LINGO1: variants seen among roughly 807,000 people sequenced by gnomAD.
LINGO1 encodes the protein leucine-rich repeat and immunoglobulin-like domain-containing nogo receptor-interacting protein 1.
A neutral mutation model predicts 37.3 loss-of-function variants in LINGO1; 11 were observed. The ratio of observed to expected loss-of-function variants is 0.29; its 90% confidence interval spans 0.19 to 0.49. LINGO1 has a LOEUF of 0.49. Among genes scored for constraint, LINGO1 ranks in the 20% least tolerant of loss-of-function variants. The probability of loss-of-function intolerance (pLI) is 0.99; values close to 1 mark genes in which losing one functional copy is unlikely to be tolerated. For missense variants in LINGO1, 585 were observed against 878.2 expected (o/e 0.67, Z 4.22); for synonymous variants, 387 against 403.0 (o/e 0.96, Z 0.48).
upstream of LINGO1, among the ~76,000 whole-genome samples, chr15:77,634,686 C>A (rs929328325): frequency 6.6e-6 from 1 of 152,128 alleles, no homozygotes; most frequent in Non-Finnish European, 1.5e-5. Context: ...GTCCCCCTCC[C>A]TGCCAGAGCC....
chr15:77,684,027 C>T (rs2075461639), intron 2 of LINGO1, among the ~76,000 whole-genome samples: 1 of 152,176 alleles, frequency 6.6e-6, no homozygotes, highest in Admixed American at 6.5e-5. Flanking sequence ...CAAGCTGCCT[C>T]TAGGCCTTTG....
At chr15:77,685,216 G>A (rs915294529) in intron 2 of LINGO1, among the ~76,000 whole-genome samples, 5 of 152,126 alleles carry the variant, frequency 3.3e-5, no homozygotes, top group Admixed American at 3.3e-4. Flanking sequence ...TGTGCCTCCA[G>A]CCCAGCAGGG....
At chr15:77,676,283 G>A (rs2075326264) in intron 3 of LINGO1, among the ~76,000 whole-genome samples, 2 of 152,264 alleles carry the variant, frequency 1.3e-5, no homozygotes, top group South Asian at 2.1e-4. Context: ...TCTGGCCAGA[G>A]GAGAAGGGAG....
At chr15:77,692,023 G>A (rs181526607) in intron 1 of LINGO1, among the ~76,000 whole-genome samples, 1 of 152,298 alleles carries the variant, frequency 6.6e-6, no homozygotes, top group Admixed American at 6.5e-5. Context: ...GAGAGTGTGG[G>A]CAGAGTGGGG....
At chr15:77,750,537 C>T (rs74676874) in intron 1 of LINGO1, among the ~76,000 whole-genome samples, 2,624 of 152,236 alleles carry the variant, frequency 0.017, 87 homozygotes, top group African/African-American at 0.06. Flanking sequence ...AGTTCCGGTG[C>T]GTGCCTGCTT....
chr15:77,650,826 A>G (rs542267697), intron 3 of LINGO1, among the ~76,000 whole-genome samples: 25 of 152,182 alleles, frequency 1.6e-4, no homozygotes, highest in African/African-American at 5.8e-4. Context: ...TGATGGGATA[A>G]GGACTGAGAG....
chr15:77,812,177 A>G (rs1474089265), intron 1 of LINGO1, among the ~76,000 whole-genome samples: 1 of 152,216 alleles, frequency 6.6e-6, no homozygotes, highest in Admixed American at 6.5e-5. Flanking sequence ...CCCTTTATTG[A>G]GGTGACTGCT....
At chr15:77,753,967 G>C (rs1354051710) in intron 1 of LINGO1, among the ~76,000 whole-genome samples, 1 of 152,206 alleles carries the variant, frequency 6.6e-6, no homozygotes, top group Non-Finnish European at 1.5e-5. Flanking sequence ...CTACTGCCCA[G>C]TCTCTTCCTT....
chr15:77,805,019 G>A (rs4426322), intron 1 of LINGO1, among the ~76,000 whole-genome samples: 126,269 of 152,192 alleles, frequency 0.83, 52,558 homozygotes, highest in Non-Finnish European at 0.86. Flanking sequence ...GGCCTCCCTC[G>A]GCCTGGCCTG....
At chr15:77,768,892 G>T (rs899428062) in intron 1 of LINGO1, among the ~76,000 whole-genome samples, 10 of 152,194 alleles carry the variant, frequency 6.6e-5, no homozygotes, top group African/African-American at 2.2e-4. Context: ...GGCAGCAGGG[G>T]TGTGGCCACA....
intron 2 of LINGO1, among the ~76,000 whole-genome samples, chr15:77,688,370 A>C (rs922482434): frequency 2.6e-5 from 4 of 152,170 alleles, no homozygotes; most frequent in Non-Finnish European, 5.9e-5. Context: ...TCATTACTCC[A>C]CTTGAATACC....
At chr15:77,662,407 C>A (rs2075014180) in intron 3 of LINGO1, among the ~76,000 whole-genome samples, 1 of 152,136 alleles carries the variant, frequency 6.6e-6, no homozygotes, top group Non-Finnish European at 1.5e-5. Flanking sequence ...GGCAGGAAAC[C>A]CTTTTCTATG....
chr15:77,617,008 C>T (rs961456273), intron 1 of LINGO1, among the ~76,000 whole-genome samples: 2 of 152,160 alleles, frequency 1.3e-5, no homozygotes, highest in Non-Finnish European at 1.5e-5. Flanking sequence ...CATCAGATTC[C>T]CACAGGCCAG....
intron 1 of LINGO1, among the ~76,000 whole-genome samples, chr15:77,780,997 G>A (rs2076711595): frequency 6.6e-6 from 1 of 152,250 alleles, no homozygotes; most frequent in South Asian, 2.1e-4. Context: ...TGAAGGAGAT[G>A]AGGTTTTGGG....
intron 3 of LINGO1, chr15:77,660,076 G>A (rs1000817468): frequency 1.3e-5 from 2 of 152,254 alleles, no homozygotes; most frequent in Non-Finnish European, 2.9e-5. Context: ...CTGAAGAGGA[G>A]GAGTTGGCAC....
At chr15:77,718,797 C>T (rs1290475440) in intron 2 of LINGO1, among the ~76,000 whole-genome samples, 1 of 150,920 alleles carries the variant, frequency 6.6e-6, no homozygotes, top group Non-Finnish European at 1.5e-5. Flanking sequence ...CTGTGTGACA[C>T]GGGCCCGAGC....
chr15:77,701,771 G>A (rs865955895), intron 2 of LINGO1, among the ~76,000 whole-genome samples: 4 of 152,036 alleles, frequency 2.6e-5, no homozygotes, highest in Non-Finnish European at 4.4e-5. Flanking sequence ...TCTCTGGCAC[G>A]AGTGGAAGCT....
chr15:77,669,891 T>G (rs1346730985), intron 3 of LINGO1, among the ~76,000 whole-genome samples: 3 of 152,218 alleles, frequency 2.0e-5, no homozygotes, highest in African/African-American at 4.8e-5. Flanking sequence ...AAAACACTTG[T>G]GCACAAATAT....
intron 3 of LINGO1, among the ~76,000 whole-genome samples, chr15:77,645,661 G>A (rs1261060504): frequency 1.3e-5 from 2 of 152,218 alleles, no homozygotes; most frequent in African/African-American, 2.4e-5. Flanking sequence ...CCTCAGTTCT[G>A]AGCCTGCCCG....
Sources: allele counts gnomAD v4.1 joint callset (sites outside exome capture counted in the v4.1 genomes callset), GRCh38; gene constraint gnomAD v4.1.1; transcripts MANE v1.5; gene names NCBI Gene and HGNC (gene_info 2026-07-23, HGNC 2026-07-21).